PXDNL: variants seen among roughly 807,000 people sequenced by gnomAD.
PXDNL encodes peroxidasin like.
PXDNL carries 145 observed loss-of-function variants against 150.8 expected under a neutral mutation model. The ratio of observed to expected loss-of-function variants is 0.96; its 90% CI spans 0.84 to 1.10. The LOEUF (loss-of-function observed/expected upper bound fraction) is 1.10, where lower values mean the gene tolerates loss of function less well. Among genes scored for constraint, PXDNL ranks in the 50% least tolerant of loss-of-function variants. The pLI, the probability that PXDNL is intolerant of heterozygous loss-of-function variation, is 0.00. For synonymous variants in PXDNL, 757 were observed against 725.7 expected, an observed-to-expected ratio of 1.04 and a Z score of -0.69; for missense variants, 2,087 against 1,873.9, an observed-to-expected ratio of 1.11 and a Z score of -2.10.
chr8:51,339,826 C>T, intron 20 of PXDNL, 73 bp from the exon 21 acceptor site: 2 of 1,483,360 alleles, frequency 1.3e-6, no homozygotes, highest in Non-Finnish European at 1.8e-6. Flanking sequence ...ATCATCAAAT[C>T]TTCTTTGGTC....
At chr8:51,750,578 G>C (rs2037034891) in intron 1 of PXDNL, among the ~76,000 whole-genome samples, 1 of 152,222 alleles carries the variant, frequency 6.6e-6, no homozygotes, top group Non-Finnish European at 1.5e-5. Flanking sequence ...ATTATGTGGT[G>C]CATGACTGTA....
chr8:51,567,947 C>T (rs187771446), intron 3 of PXDNL, among the ~76,000 whole-genome samples: 6 of 151,788 alleles, frequency 4.0e-5, no homozygotes, highest in African/African-American at 9.6e-5. Flanking sequence ...TATGTTCATA[C>T]GGATGCAATT....
chr8:51,432,346 G>A (rs1809270255), intron 12 of PXDNL, among the ~76,000 whole-genome samples: 1 of 152,140 alleles, frequency 6.6e-6, no homozygotes, highest in African/African-American at 2.4e-5. Flanking sequence ...GCAGTATACA[G>A]TAATACCATC....
intron 21 of PXDNL, among the ~76,000 whole-genome samples, chr8:51,324,403 G>A (rs7016775): frequency 0.3 from 46,053 of 152,014 alleles, 8,461 homozygotes; most frequent in African/African-American, 0.52. Flanking sequence ...TCACCATTCA[G>A]CATGTAAATG....
At chr8:51,528,784 G>T (rs973389706) in intron 4 of PXDNL, among the ~76,000 whole-genome samples, 1 of 152,146 alleles carries the variant, frequency 6.6e-6, no homozygotes, top group African/African-American at 2.4e-5. Flanking sequence ...GCCCACGACT[G>T]CCAGCAACCT....
At chr8:51,489,622 A>C (rs528381558) in intron 5 of PXDNL, among the ~76,000 whole-genome samples, 1 of 152,338 alleles carries the variant, frequency 6.6e-6, no homozygotes, top group African/African-American at 2.4e-5. Context: ...TTTAAAAATA[A>C]AGAATAATCA....
At chr8:51,734,613 A>T (rs562722063) in intron 1 of PXDNL, among the ~76,000 whole-genome samples, 2 of 152,252 alleles carry the variant, frequency 1.3e-5, no homozygotes, top group Non-Finnish European at 2.9e-5. Flanking sequence ...TAGCAATTTC[A>T]AACAAGTATT....
chr8:51,470,960 G>T (rs1181347879), intron 8 of PXDNL, among the ~76,000 whole-genome samples: 1 of 151,524 alleles, frequency 6.6e-6, no homozygotes, highest in Non-Finnish European at 1.5e-5. Flanking sequence ...AAAAGCAATG[G>T]CAACAAAAGC....
chr8:51,437,606 G>T (rs560706859), intron 12 of PXDNL, among the ~76,000 whole-genome samples: 1 of 152,270 alleles, frequency 6.6e-6, no homozygotes, highest in East Asian at 1.9e-4. Context: ...CATATCAATA[G>T]ATGCAGAAAA....
chr8:51,632,864 G>GT lies in PXDNL; in HGVS notation c.236+21824dup, dbSNP rs112175095. ...TGGCAATTAAACTATATACCCTTTTGTTTTTTGTTTTGTTTTGTTTTCTGT... is the reference window on the plus strand; with the variant it reads ...TGGCAATTAAACTATATACCCTTTTGTTTTTTTGTTTTGTTTTGTTTTCTGT... On this transcript the variant is annotated intron_variant, in intron 2 of 22. Coordinates refer to ENST00000356297, the MANE Select transcript of PXDNL (RefSeq NM_144651.5). 3.3e-3 allele frequency among the ~76,000 whole-genome samples: 496 copies of GT among 151,938 alleles called. 2 individuals carry two copies. The highest frequency in any genetic ancestry group is 0.011 in the African/African-American group (464 of 41,434).
At chr8:51,328,714 G>A (rs955339143) in intron 21 of PXDNL, among the ~76,000 whole-genome samples, 1 of 152,190 alleles carries the variant, frequency 6.6e-6, no homozygotes, top group Admixed American at 6.5e-5. Flanking sequence ...ATGTGAGCAT[G>A]ACAAACTACT....
chr8:51,747,367 C>CA (rs2036997081), intron 1 of PXDNL, among the ~76,000 whole-genome samples: 1 of 152,226 alleles, frequency 6.6e-6, no homozygotes, highest in Non-Finnish European at 1.5e-5. Context: ...CAGGTGAACT[C>CA]AGTTGCTCTC....
intron 17 of PXDNL, among the ~76,000 whole-genome samples, chr8:51,392,452 C>T (rs185824898): frequency 3.0e-3 from 450 of 152,268 alleles, no homozygotes; most frequent in Middle Eastern, 0.014. Flanking sequence ...AGAGGTCCTT[C>T]ACGTCCCTTG....
intron 1 of PXDNL, among the ~76,000 whole-genome samples, chr8:51,796,904 G>GT (rs2037567222): frequency 6.6e-6 from 1 of 152,106 alleles, no homozygotes; most frequent in South Asian, 2.1e-4. Flanking sequence ...TCCTTGATGA[G>GT]TATCAATGCA....
Position 51,408,062 on chromosome 8 carries a change from CTTACT to C in PXDNL, c.3557_3557+4del. The C allele has an allele frequency of 6.3e-7, 1 of 1,595,568 alleles. No individual in the cohort carries two copies. Among genetic ancestry groups the C allele is most frequent in the East Asian group, 2.2e-5 (1 of 44,804 alleles). On this transcript the variant is annotated splice_donor_variant and splice_donor_region_variant and coding_sequence_variant and intron_variant, in exon 17 of 23. Coordinates refer to ENST00000356297, the MANE Select transcript of PXDNL (RefSeq NM_144651.5). LOFTEE classifies it high-confidence loss of function. ...TTTAAATCCAGGCAGCATTTGCATA[CTTACT>C]TTCTCAGTTTTTGTCTAATCTCTGA...
chr8:51,717,897 A>G (rs1464981015), intron 1 of PXDNL, among the ~76,000 whole-genome samples: 2 of 152,228 alleles, frequency 1.3e-5, no homozygotes, highest in Non-Finnish European at 2.9e-5. Context: ...TCCCTGGCTA[A>G]TTATAAGGGG....
intron 1 of PXDNL, among the ~76,000 whole-genome samples, chr8:51,686,826 C>A (rs1010711455): frequency 5.9e-5 from 9 of 151,758 alleles, no homozygotes; most frequent in African/African-American, 2.2e-4. Flanking sequence ...TGTAATACCT[C>A]ACAATAAAAA....
chr8:51,368,553 A>G (rs566632695), intron 19 of PXDNL, among the ~76,000 whole-genome samples: 52 of 152,348 alleles, frequency 3.4e-4, no homozygotes, highest in Admixed American at 3.0e-3. Context: ...TGTTGAAAAT[A>G]AAATTATTCT....
At chr8:51,438,223 G>A (rs1004139130) in intron 12 of PXDNL, among the ~76,000 whole-genome samples, 4 of 152,088 alleles carry the variant, frequency 2.6e-5, no homozygotes, top group African/African-American at 4.8e-5. Flanking sequence ...TCAATATTGT[G>A]AAAATGACCA....
Sources: allele counts gnomAD v4.1 joint callset (sites outside exome capture counted in the v4.1 genomes callset), GRCh38; gene constraint gnomAD v4.1.1; transcripts MANE v1.5; gene names NCBI Gene and HGNC (gene_info 2026-07-23, HGNC 2026-07-21).